NDUFS7: variants seen among roughly 807,000 people sequenced by gnomAD.
NDUFS7 encodes the protein NADH:ubiquinone oxidoreductase core subunit S7.
NDUFS7 carries 11 observed loss-of-function variants against 31.1 expected under a neutral mutation model. The observed-to-expected ratio is 0.35, with a 90% CI of 0.22 to 0.59. The LOEUF (loss-of-function observed/expected upper bound fraction) is 0.59, where lower values mean the gene tolerates loss of function less well. NDUFS7 is among the 20% of genes least tolerant of loss of function. NDUFS7 has a pLI of 0.79. For synonymous variants in NDUFS7, 136 were observed against 127.9 expected (o/e 1.06, Z -0.43); for missense variants, 263 against 324.2 (o/e 0.81, Z 1.45).
chr19:1,389,634 G>A (rs1358800926), intron 4 of NDUFS7: 1 of 401,820 alleles, frequency 2.5e-6, no homozygotes, highest in African/African-American at 2.1e-5. Context: ...GATCCTTCTC[G>A]GTACCCGTTT....
In NDUFS7 at chr19:1,389,269, ACACGCACACT is replaced by A. The variant is rs1568990154; in HGVS notation, c.228+333_228+342del. 13 of 621,436 alleles carry A rather than the reference ACACGCACACT, an allele frequency of 2.1e-5. No individual in the cohort carries two copies. The East Asian group carries it at 3.9e-4, about 19-fold the overall frequency. 38.5% of individuals were successfully genotyped at this position (621,436 alleles called of 1,614,324 possible). A position where few individuals can be genotyped will look rare whatever the true frequency, so the allele number is the denominator to read the frequency against. ...CACTCATGCGCACATATACACATGC[ACACGCACACT>A]CGCACACACGTGCACATATATGCAC... On this transcript the variant is annotated intron_variant, in intron 4 of 7. Coordinates refer to ENST00000233627, the MANE Select transcript of NDUFS7 (RefSeq NM_024407.5).
chr19:1,389,160 T>C (rs372653347), intron 4 of NDUFS7: 35 of 697,888 alleles, frequency 5.0e-5, no homozygotes, highest in Middle Eastern at 2.4e-4. Flanking sequence ...CTCGCACACA[T>C]GCACACTTGC....
In NDUFS7 at chr19:1,393,402, C is replaced by T. The variant is rs1357955629; in HGVS notation, c.544+72C>T. 7.5e-6 allele frequency: 10 copies of T among 1,334,042 alleles called. No homozygotes were observed. Among genetic ancestry groups the T allele is most frequent in the South Asian group, 2.5e-5 (2 of 79,986 alleles). The allele number at this position is 1,334,042 out of a possible 1,614,324, so 82.6% of individuals were successfully genotyped here. A position where few individuals can be genotyped will look rare whatever the true frequency, so the allele number is the denominator to read the frequency against. Reference sequence around the variant, plus strand: ...AGCGCCACACGGAGCCCGGCGGCCCCTGTGAGGGAGTCCCACACCCCCAGC... The same window carrying T: ...AGCGCCACACGGAGCCCGGCGGCCCTTGTGAGGGAGTCCCACACCCCCAGC... On this transcript the variant is annotated intron_variant, in intron 7 of 7. Transcript: ENST00000233627. The surrounding 1 kb of genome is among the most constrained non-coding windows in gnomAD (Gnocchi z 7.3).
chr19:1,389,299 A>C, intron 4 of NDUFS7: 2 of 534,690 alleles, frequency 3.7e-6, no homozygotes. Context: ...GTGCACATAT[A>C]TGCACAGTCA....
chr19:1,389,878 G>A (rs1330373337), intron 4 of NDUFS7: 1 of 229,064 alleles, frequency 4.4e-6, no homozygotes, highest in Non-Finnish European at 8.9e-6. Context: ...TTTTAATGCA[G>A]GATAGTTCTT....
At chr19:1,392,790 G>A in intron 6 of NDUFS7, 1 of 238,948 alleles carries the variant, frequency 4.2e-6, no homozygotes, top group South Asian at 5.8e-5. Context: ...AAGCAGTGCT[G>A]GGAGTGGAGT....
intron 4 of NDUFS7, chr19:1,389,277 ACT>A (rs983694920): frequency 1.7e-5 from 10 of 601,152 alleles, no homozygotes; most frequent in Middle Eastern, 5.6e-4. Flanking sequence ...GCACACGCAC[ACT>A]CGCACACACG....
intron 7 of NDUFS7, chr19:1,394,951 C>T (rs1292232681): frequency 7.1e-6 from 8 of 1,118,922 alleles, no homozygotes; most frequent in Non-Finnish European, 7.7e-6. Context: ...ATCGGGTCCT[C>T]GTGGGATGCC....
chr19:1,395,282 C>T (rs2082588785), intron 7 of NDUFS7, 109 bp from the exon 8 acceptor site: 4 of 1,492,804 alleles, frequency 2.7e-6, no homozygotes, highest in Non-Finnish European at 2.7e-6. Flanking sequence ...CAGCCTCCAC[C>T]TTCAGAGGCC....
chr19:1,388,149 G>A, intron 2 of NDUFS7: 1 of 591,318 alleles, frequency 1.7e-6, no homozygotes, highest in Non-Finnish European at 3.0e-6. Flanking sequence ...GCAGATGGCA[G>A]CTGGGGCAGG....
rs376725242 is a variant in NDUFS7, at chr19:1,388,416, T to C, written c.54-109T>C. The C allele has an allele frequency of 3.2e-5, 33 of 1,032,918 alleles. No individual in the cohort carries two copies. In the African/African-American group the frequency reaches 4.7e-4, roughly 15 times the overall value. The allele number at this position is 1,032,918 out of a possible 1,614,324, so 64.0% of individuals were successfully genotyped here. On this transcript the variant is annotated intron_variant, in intron 2 of 7. Transcript: ENST00000233627. ...TGGCCCAAGTGTTGACAGGCAGAGG[T>C]GAGAACAGTCTCGCAGCAGGGAGGG... is the stretch of plus-strand genomic sequence containing the variant.
chr19:1,387,300 T>C (rs502121), intron 1 of NDUFS7: 126,285 of 175,258 alleles, frequency 0.72, 47,141 homozygotes, highest in African/African-American at 0.93. Context: ...CCAGCATTGC[T>C]GGAGTGGCAG....
At chr19:1,389,608 G>A (rs748499965) in intron 4 of NDUFS7, 4 of 431,824 alleles carry the variant, frequency 9.3e-6, no homozygotes, top group East Asian at 1.4e-4. Flanking sequence ...TAAAAGGAGC[G>A]CGTGTGAAGG....
rs551268725 is a variant in NDUFS7 at position 1,394,780 on chromosome 19, T to C, written c.545-611T>C. 2.8e-5 allele frequency: 33 copies of C among 1,183,708 alleles called. No individual in the cohort carries two copies. The South Asian group carries it at 4.3e-4, about 15-fold the overall frequency. The allele number at this position is 1,183,708 out of a possible 1,614,324, so 73.3% of individuals were successfully genotyped here. A position where few individuals can be genotyped will look rare whatever the true frequency, so the allele number is the denominator to read the frequency against. On this transcript the variant is annotated intron_variant, in intron 7 of 7. Coordinates refer to ENST00000233627, the MANE Select transcript of NDUFS7 (RefSeq NM_024407.5). ...GGCCTGGCCGCCCTTTCCCAGGCCC[T>C]GCAGTGGCCTTGTCCTTTCTCACCT...
At position 1,393,925 on chromosome 19, in the gene NDUFS7, T is replaced by G. The variant is rs2082574652; in HGVS notation, c.544+595T>G. On this transcript the variant is annotated intron_variant, in intron 7 of 7. Transcript: ENST00000233627. This position sits in a 1 kb window ranked among gnomAD's most constrained non-coding sequence, Gnocchi z 7.3. ...TCGCACCGGGAACATTCTTTATATC[T>G]GGTGATCCCGTGGGACTCTTGCACC... 4.3e-6 allele frequency: 1 copy of G among 234,044 alleles called. No homozygotes were observed. The highest frequency in any genetic ancestry group is 8.6e-6 in the Non-Finnish European group (1 of 116,772). 14.5% of individuals were successfully genotyped at this position (234,044 alleles called of 1,614,324 possible).
chr19:1,394,598 T>A (rs2082582060), intron 7 of NDUFS7: 1 of 1,210,644 alleles, frequency 8.3e-7, no homozygotes. Context: ...CGGCCCTCCC[T>A]GGGGACCGCG....
At chr19:1,394,239 C>A in intron 7 of NDUFS7, 2 of 596,350 alleles carry the variant, frequency 3.4e-6, no homozygotes, top group Non-Finnish European at 5.2e-6. Flanking sequence ...CAGCGTTCTG[C>A]ACGGTTCAGG....
chr19:1,388,062 G>GAA, intron 2 of NDUFS7: 2 of 643,344 alleles, frequency 3.1e-6, no homozygotes, highest in South Asian at 3.6e-5. Context: ...CAGTCAGGAG[G>GAA]AAAACCCTGT....
intron 4 of NDUFS7, chr19:1,389,209 G>C (rs1568989801): frequency 2.9e-6 from 2 of 682,534 alleles, no homozygotes; most frequent in African/African-American, 1.8e-5. Context: ...ACACACGCTT[G>C]CACACATACA....
Sources: allele counts gnomAD v4.1 joint callset, GRCh38; gene constraint gnomAD v4.1.1; non-coding constraint Gnocchi (gnomAD v3.1); transcripts MANE v1.5; gene names NCBI Gene and HGNC (gene_info 2026-07-23, HGNC 2026-07-21).